Variants in KCNIP4 observed in about 807,000 individuals in gnomAD.
KCNIP4 encodes the protein potassium voltage-gated channel interacting protein 4, also known as Kv channel-interacting protein 4.
KCNIP4 carries 12 observed loss-of-function variants against 34.0 expected under a neutral mutation model. The observed-to-expected ratio is 0.35, with a 90% CI of 0.23 to 0.57. The LOEUF (loss-of-function observed/expected upper bound fraction) is 0.57. KCNIP4 is among the 20% of genes least tolerant of loss of function. The pLI, the probability that KCNIP4 is intolerant of heterozygous loss-of-function variation, is 0.83. For synonymous variants in KCNIP4, 124 were observed against 102.2 expected (o/e 1.21, Z -1.29); for missense variants, 238 against 311.7 (o/e 0.76, Z 1.78).
At chr4:20,818,140 T>C (rs1466804297) in intron 3 of KCNIP4, among the ~76,000 whole-genome samples, 1 of 152,192 alleles carries the variant, frequency 6.6e-6, no homozygotes, top group Non-Finnish European at 1.5e-5. Context: ...CCTCATGAGA[T>C]ACCTTACCCA....
intron 1 of KCNIP4, among the ~76,000 whole-genome samples, chr4:21,030,903 A>G (rs1028276792): frequency 6.6e-6 from 1 of 152,080 alleles, no homozygotes; most frequent in Non-Finnish European, 1.5e-5. Context: ...TGTCCCCTTG[A>G]CCCACTCTGG....
chr4:20,867,209 T>C (rs918622851), intron 2 of KCNIP4, among the ~76,000 whole-genome samples: 13 of 151,996 alleles, frequency 8.6e-5, no homozygotes, highest in African/African-American at 3.1e-4. Flanking sequence ...AAAGCAATCC[T>C]ATAAGCAAAA....
At position 21,526,371 on chromosome 4, in the gene KCNIP4, T is replaced by C. The variant is rs571963644; in HGVS notation, c.61+422200A>G. On this transcript the variant is annotated intron_variant, in intron 1 of 8. Transcript: ENST00000382152. Reference sequence around the variant, plus strand: ...TCTTCCTTCATCTTCTACCATGATTTTGAGGCCTCTCCAGCCATGTGGAAC... The same window carrying C: ...TCTTCCTTCATCTTCTACCATGATTCTGAGGCCTCTCCAGCCATGTGGAAC... 2.6e-5 allele frequency among the ~76,000 whole-genome samples: 4 copies of C among 152,100 alleles called. No individual in the cohort carries two copies. In the South Asian group the frequency reaches 8.3e-4, roughly 32 times the overall value.
chr4:21,666,042 C>T (rs1054685579), intron 1 of KCNIP4, among the ~76,000 whole-genome samples: 2 of 152,220 alleles, frequency 1.3e-5, no homozygotes, highest in Admixed American at 6.5e-5. Flanking sequence ...CCTTGGCTGA[C>T]ATTTTCCTTC....
chr4:21,025,550 T>TTTTTTTG (rs1740467003), intron 1 of KCNIP4, among the ~76,000 whole-genome samples: 4 of 68,082 alleles, frequency 5.9e-5, no homozygotes, highest in Non-Finnish European at 8.8e-5. Flanking sequence ...ACTGTTTTTT[T>TTTTTTTG]TTTTTTTTTT....
intron 1 of KCNIP4, among the ~76,000 whole-genome samples, chr4:21,286,234 T>G (rs554030206): frequency 6.6e-6 from 1 of 152,304 alleles, no homozygotes; most frequent in Admixed American, 6.5e-5. Context: ...GAATGTTTGA[T>G]TGGACAACAT....
chr4:21,367,026 C>G (rs1347906847), intron 1 of KCNIP4, among the ~76,000 whole-genome samples: 1 of 152,122 alleles, frequency 6.6e-6, no homozygotes, highest in South Asian at 2.1e-4. Flanking sequence ...GTGATTGGCT[C>G]TCTTCTGCCC....
intron 1 of KCNIP4, among the ~76,000 whole-genome samples, chr4:21,446,865 G>A (rs1364744252): frequency 6.6e-6 from 1 of 151,846 alleles, no homozygotes; most frequent in African/African-American, 2.4e-5. Context: ...ATAGTTCATT[G>A]CTTTTTATTG....
At chr4:21,830,576 T>C (rs71607096) in intron 1 of KCNIP4, among the ~76,000 whole-genome samples, 11,928 of 152,028 alleles carry the variant, frequency 0.078, 543 homozygotes, top group Middle Eastern at 0.14. Flanking sequence ...CAGGAAGCTG[T>C]GGCTGGAGAA....
chr4:21,614,020 A>G (rs1174428889), intron 1 of KCNIP4, among the ~76,000 whole-genome samples: 1 of 151,840 alleles, frequency 6.6e-6, no homozygotes, highest in Non-Finnish European at 1.5e-5. Context: ...GCGTGGTAGC[A>G]TGCACCTGTA....
chr4:21,866,266 T>C (rs1222562318), intron 1 of KCNIP4, among the ~76,000 whole-genome samples: 3 of 152,160 alleles, frequency 2.0e-5, no homozygotes, highest in Non-Finnish European at 4.4e-5. Flanking sequence ...GCAAGTCTTC[T>C]CCATTTGCAC....
intron 1 of KCNIP4, among the ~76,000 whole-genome samples, chr4:21,723,341 G>A (rs1424857175): frequency 6.6e-6 from 1 of 152,114 alleles, no homozygotes; most frequent in Non-Finnish European, 1.5e-5. Flanking sequence ...AGAATATTTT[G>A]CTAATATTCA....
intron 1 of KCNIP4, among the ~76,000 whole-genome samples, chr4:21,407,530 G>A (rs958198353): frequency 1.3e-5 from 2 of 152,098 alleles, no homozygotes; most frequent in Admixed American, 6.5e-5. Flanking sequence ...TGTTTGTTGA[G>A]TGAATGAATC....
Position 20,743,990 on chromosome 4 carries a change from C to T in KCNIP4, c.429+5672G>A, listed in dbSNP as rs185408089. On this transcript the variant is annotated intron_variant, in intron 5 of 8. Transcript: ENST00000382152. ...CTCTTCTCAAAAGAAGACATTTATG[C>T]AGCCACCAGACACATGAAAAAATGC... is the stretch of plus-strand genomic sequence containing the variant. Among the ~76,000 whole-genome samples, 283 of 151,972 alleles carry T rather than the reference C, an allele frequency of 1.9e-3. 1 individual carries two copies. Among genetic ancestry groups the T allele is most frequent in the Non-Finnish European group, 3.6e-3 (248 of 67,970 alleles).
chr4:21,446,616 G>T (rs1229108170), intron 1 of KCNIP4, among the ~76,000 whole-genome samples: 3 of 122,758 alleles, frequency 2.4e-5, no homozygotes, highest in Non-Finnish European at 4.9e-5. Context: ...CACACACTGG[G>T]GCCTGTTGTG....
chr4:21,581,382 T>C (rs923060315), intron 1 of KCNIP4, among the ~76,000 whole-genome samples: 2 of 151,984 alleles, frequency 1.3e-5, no homozygotes, highest in Non-Finnish European at 1.5e-5. Context: ...TATGGATCCA[T>C]ACAAAACGTA....
intron 1 of KCNIP4, among the ~76,000 whole-genome samples, chr4:21,269,658 G>T (rs1762022732): frequency 6.6e-6 from 1 of 152,130 alleles, no homozygotes; most frequent in African/African-American, 2.4e-5. Context: ...GCCTCTTAAA[G>T]TGCTGGGATT....
At chr4:20,872,107 A>C (rs1723536097) in intron 2 of KCNIP4, among the ~76,000 whole-genome samples, 1 of 152,050 alleles carries the variant, frequency 6.6e-6, no homozygotes, top group African/African-American at 2.4e-5. Flanking sequence ...TGCTCACCTA[A>C]AGCATTAGTT....
intron 2 of KCNIP4, among the ~76,000 whole-genome samples, chr4:20,881,837 T>C (rs1560539312): frequency 6.6e-6 from 1 of 152,182 alleles, no homozygotes; most frequent in Non-Finnish European, 1.5e-5. Flanking sequence ...CTGAATAATG[T>C]GGGTGGGCCT....
Sources: gnomAD v4.1 joint callset for allele counts (sites outside exome capture counted in the v4.1 genomes callset) on GRCh38, gnomAD v4.1.1 for gene constraint, MANE v1.5 for transcripts, NCBI Gene and HGNC (gene_info 2026-07-23, HGNC 2026-07-21) for gene names.